The following AHNAK variants were observed in gnomAD, a reference collection of about 807,000 sequenced individuals.
AHNAK encodes AHNAK nucleoprotein.
Under a neutral mutation model 37.8 loss-of-function variants are expected in AHNAK, and 23 were observed. The ratio of observed to expected loss-of-function variants is 0.61; its 90% CI spans 0.44 to 0.86. The LOEUF (loss-of-function observed/expected upper bound fraction) is 0.86, where lower values mean the gene tolerates loss of function less well. Among genes scored for constraint, AHNAK ranks in the 40% least tolerant of loss-of-function variants. The probability of loss-of-function intolerance (pLI) is 0.00; values close to 1 mark genes in which losing one functional copy is unlikely to be tolerated. For synonymous variants in AHNAK, 2,481 were observed against 2,636.3 expected, an observed-to-expected ratio of 0.94 and a Z score of 1.80; for missense variants, 7,411 against 7,319.4, an observed-to-expected ratio of 1.01 and a Z score of -0.46.
At chr11:62,452,552 C>G (rs576924191) in intron 5 of AHNAK, among the ~76,000 whole-genome samples, 22 of 152,178 alleles carry the variant, frequency 1.4e-4, no homozygotes, top group Non-Finnish European at 2.9e-4. Flanking sequence ...AGCAGTCACC[C>G]AGGGACGGCC....
At chr11:62,486,313 A>G (rs1040776518) in intron 5 of AHNAK, among the ~76,000 whole-genome samples, 7 of 151,936 alleles carry the variant, frequency 4.6e-5, no homozygotes, top group African/African-American at 1.7e-4. Context: ...CATCTCTACT[A>G]AAAATACAAA....
intron 5 of AHNAK, among the ~76,000 whole-genome samples, chr11:62,435,984 G>A (rs1456394608): frequency 6.6e-6 from 1 of 152,184 alleles, no homozygotes; most frequent in African/African-American, 2.4e-5. Flanking sequence ...CACAGACCAG[G>A]AAACAAAGGC....
rs765548494 is a variant in AHNAK, at chr11:62,529,305, G to A, written c.5112C>T (p.His1704=). 69 of 1,613,530 alleles carry A rather than the reference G, an allele frequency of 4.3e-5. No homozygotes were observed. Among genetic ancestry groups the A allele is most frequent in the Non-Finnish European group, 5.0e-5 (59 of 1,179,898 alleles). Residue 1704 remains histidine, a synonymous_variant, in exon 5 of 5, where the codon CAC becomes CAT. Transcript: ENST00000378024. The part of the protein sequence containing the change: ...VDIDAPDVEV[H]DPDWHLKMPK... ...GCATTTTCAGGTGCCAATCTGGGTCGTGAACCTCCACATCTGGGGCATCAA... is the reference window on the plus strand; with the variant it reads ...GCATTTTCAGGTGCCAATCTGGGTCATGAACCTCCACATCTGGGGCATCAA...
At position 62,534,090 on chromosome 11, in the gene AHNAK, C is replaced by A; in HGVS notation, c.343-16G>T. ...CATCCCCGCTCTGCAGAAAGACACG[C>A]CGGGCAGAGGTTGCAGCAGAGTCTG... On this transcript the variant is annotated splice_polypyrimidine_tract_variant and intron_variant, in intron 4 of 4. Transcript: ENST00000378024. The A allele has an allele frequency of 6.6e-7, 1 of 1,524,032 alleles. No homozygotes were observed. The highest frequency in any genetic ancestry group is 8.8e-7 in the Non-Finnish European group (1 of 1,136,542). The allele number at this position is 1,524,032 out of a possible 1,614,324, so 94.4% of individuals were successfully genotyped here.
rs771795697 is a variant in AHNAK, at chr11:62,531,864, A to T, written c.2553T>A (p.Asp851Glu). 6 of 1,611,462 alleles carry T rather than the reference A, an allele frequency of 3.7e-6. No homozygotes were observed. The Admixed American group carries it at 1.0e-4, about 27-fold the overall frequency. ...CCATTTTGGCACTTTTAAGTTCAAC[A>T]TCAGGAACTTTAATCTCACTTTCAA... ...PKVESEIKVPDVELKSAKMDI... is the reference protein window; with the variant it reads ...PKVESEIKVPEVELKSAKMDI... Residue 851 changes from aspartate (D) to glutamate (E), a missense_variant, in exon 5 of 5, where the codon GAT becomes GAA. Coordinates refer to ENST00000378024, the MANE Select transcript of AHNAK (RefSeq NM_001620.3).
chr11:62,535,278 C>T, intron 3 of AHNAK, 88 bp from the exon 4 acceptor site: 1 of 1,230,204 alleles, frequency 8.1e-7, no homozygotes, highest in Admixed American at 2.2e-5. Context: ...ACTGAACTGA[C>T]TTGAACTCAT....
intron 4 of AHNAK, among the ~76,000 whole-genome samples, chr11:62,502,403 A>T (rs1590633750): frequency 1.3e-5 from 2 of 152,346 alleles, no homozygotes; most frequent in East Asian, 3.9e-4. Flanking sequence ...AGTACAGGCT[A>T]AAACCTGAGA....
At chr11:62,498,194 T>C (rs1939646965) in intron 4 of AHNAK, among the ~76,000 whole-genome samples, 1 of 152,128 alleles carries the variant, frequency 6.6e-6, no homozygotes, top group Non-Finnish European at 1.5e-5. Flanking sequence ...TTGTGGTTGT[T>C]GTGTCGTTGC....
At chr11:62,514,765 A>G (rs1939978108), downstream of AHNAK, among the ~76,000 whole-genome samples, 1 of 152,196 alleles carries the variant, frequency 6.6e-6, no homozygotes, top group South Asian at 2.1e-4. Context: ...CCGGGTATCA[A>G]GGGCCTCCCT....
chr11:62,452,796 G>A (rs1590592780), intron 5 of AHNAK, among the ~76,000 whole-genome samples: 2 of 152,020 alleles, frequency 1.3e-5, no homozygotes, highest in Admixed American at 6.6e-5. Flanking sequence ...AGGCCAAGGC[G>A]GGCAGATCAC....
rs1940239081 is a variant in AHNAK at position 62,521,476 on chromosome 11, A to G, written c.12941T>C (p.Leu4314Pro). 1 of 1,612,494 alleles carries G rather than the reference A, an allele frequency of 6.2e-7. No homozygotes were observed. Among genetic ancestry groups the G allele is most frequent in the African/African-American group, 1.3e-5 (1 of 74,392 alleles). Residue 4314 changes from leucine to proline, a missense_variant, in exon 5 of 5, where the codon CTG becomes CCG. Coordinates refer to ENST00000378024, the MANE Select transcript of AHNAK (RefSeq NM_001620.3). ...GGGCATTTTCACCTTGGGCATCTTC[A>G]GGTGCCAGTCTGGGCCATGAACATC... ...DVDVHGPDWH[L>P]KMPKVKMPKF...
intron 4 of AHNAK, among the ~76,000 whole-genome samples, chr11:62,505,895 C>T (rs1939802234): frequency 6.6e-6 from 1 of 151,632 alleles, no homozygotes; most frequent in Middle Eastern, 3.4e-3. Context: ...GAATGAAGAG[C>T]AAGCGGTCCG....
chr11:62,461,415 A>T (rs948826718), intron 5 of AHNAK, among the ~76,000 whole-genome samples: 5 of 152,234 alleles, frequency 3.3e-5, no homozygotes, highest in Middle Eastern at 6.8e-3. Flanking sequence ...AAGTGCTGGG[A>T]TTACAGGCGT....
In AHNAK at chr11:62,433,733, C is replaced by T. The variant is rs1332457124; in HGVS notation, c.*151G>A. The T allele has an allele frequency of 4.5e-6, 5 of 1,107,574 alleles. No individual in the cohort carries two copies. The African/African-American group carries it at 4.7e-5, about 10-fold the overall frequency. 68.6% of individuals were successfully genotyped at this position (1,107,574 alleles called of 1,614,324 possible). Reference sequence around the variant, plus strand: ...GCTGGAGCTATAAACATGCATGCTCCGAAAAGCCGCCTCGCGGAAGGTATT... The same window carrying T: ...GCTGGAGCTATAAACATGCATGCTCTGAAAAGCCGCCTCGCGGAAGGTATT... On this transcript the variant is annotated 3_prime_UTR_variant, in exon 6 of 6. Coordinates refer to the AHNAK transcript ENST00000257247.
chr11:62,498,776 T>TA (rs1939660265), intron 4 of AHNAK, among the ~76,000 whole-genome samples: 2 of 150,838 alleles, frequency 1.3e-5, no homozygotes, highest in African/African-American at 4.9e-5. Flanking sequence ...GGCCCTTCTC[T>TA]AAAAAAAATA....
At chr11:62,447,461 C>T (rs1834391334) in intron 5 of AHNAK, among the ~76,000 whole-genome samples, 1 of 152,202 alleles carries the variant, frequency 6.6e-6, no homozygotes, top group South Asian at 2.1e-4. Flanking sequence ...TTGCTATCTC[C>T]TGCCTTTGAA....
Position 62,517,914 on chromosome 11 carries a change from T to C in AHNAK, c.16503A>G (p.Gly5501=), listed in dbSNP as rs777197036. Residue 5501 remains glycine (G), a synonymous_variant, in exon 5 of 5, where the codon GGA becomes GGG. Coordinates refer to ENST00000378024, the MANE Select transcript of AHNAK (RefSeq NM_001620.3). ...TCACGCCTGGCAGGTTCACATCACA[T>C]CCAGAGGACTTAATTCCAGGCATCT... The part of the protein sequence containing the change: ...NLQMPGIKSS[G]CDVNLPGVNV... 3.7e-6 allele frequency: 6 copies of C among 1,614,130 alleles called. No individual in the cohort carries two copies. In the East Asian group the frequency reaches 1.3e-4, roughly 36 times the overall value.
intron 4 of AHNAK, among the ~76,000 whole-genome samples, chr11:62,494,033 AAATGAATG>A (rs1352005486): frequency 6.6e-6 from 1 of 152,024 alleles, no homozygotes; most frequent in Non-Finnish European, 1.5e-5. Flanking sequence ...AGTGGTGAAT[AAATGAATG>A]AATGAGTGGT....
At chr11:62,455,971 G>A (rs1004135795) in intron 5 of AHNAK, among the ~76,000 whole-genome samples, 6 of 151,978 alleles carry the variant, frequency 3.9e-5, no homozygotes, top group Admixed American at 1.3e-4. Flanking sequence ...CCTGGGAGGC[G>A]TAAGTTGCAG....
Sources: gnomAD v4.1 joint callset for allele counts (sites outside exome capture counted in the v4.1 genomes callset) on GRCh38, gnomAD v4.1.1 for gene constraint, MANE v1.5 for transcripts, NCBI Gene and HGNC (gene_info 2026-07-23, HGNC 2026-07-21) for gene names.